The following FOXP2 variants were observed in gnomAD, a reference collection of about 807,000 sequenced individuals.
The protein encoded by FOXP2 is forkhead box P2, also known as forkhead box protein P2.
Under a neutral mutation model 115.8 loss-of-function variants are expected in FOXP2, and 12 were observed. The ratio of observed to expected loss-of-function variants is 0.10; its 90% CI spans 0.07 to 0.17. The LOEUF (loss-of-function observed/expected upper bound fraction) is 0.17. Ranked by LOEUF, FOXP2 falls within the 10% of genes least tolerant of loss-of-function variation. The pLI is 1.00. For missense variants in FOXP2, 629 were observed against 843.5 expected, an observed-to-expected ratio of 0.75 and a Z score of 3.15; for synonymous variants, 328 against 297.7, an observed-to-expected ratio of 1.10 and a Z score of -1.05.
upstream of FOXP2, among the ~76,000 whole-genome samples, chr7:114,413,923 T>C (rs146685162): frequency 3.6e-3 from 555 of 152,216 alleles, 5 homozygotes; most frequent in African/African-American, 0.013. Flanking sequence ...TGTTAAAGCT[T>C]GTCCACTCAC....
intron 2 of FOXP2, among the ~76,000 whole-genome samples, chr7:114,379,200 C>T (rs891358160): frequency 2.0e-5 from 3 of 152,154 alleles, no homozygotes; most frequent in Non-Finnish European, 2.9e-5. Context: ...GTTTATGTCC[C>T]GATCCTTGTC....
intron 2 of FOXP2, among the ~76,000 whole-genome samples, chr7:114,482,889 G>T (rs1423882156): frequency 2.0e-5 from 3 of 151,570 alleles, no homozygotes; most frequent in African/African-American, 7.3e-5. Context: ...TGATAGAAGA[G>T]AATCCTAAAA....
chr7:114,238,751 G>A (rs925851276), intron 1 of FOXP2, among the ~76,000 whole-genome samples: 4 of 149,432 alleles, frequency 2.7e-5, no homozygotes, highest in Non-Finnish European at 5.9e-5. Context: ...CAGCCTGGGC[G>A]ACAGAGCTAG....
chr7:114,219,680 T>A (rs1584554238), intron 1 of FOXP2, among the ~76,000 whole-genome samples: 1 of 152,208 alleles, frequency 6.6e-6, no homozygotes, highest in Non-Finnish European at 1.5e-5. Flanking sequence ...GTGAATATGA[T>A]CCCTTTTTTA....
At chr7:114,499,190 T>A in intron 2 of FOXP2, 1 of 410,874 alleles carries the variant, frequency 2.4e-6, no homozygotes, top group African/African-American at 2.0e-5. Context: ...TCACTTTTGC[T>A]CAATACCTAT....
At chr7:114,613,214 G>T (rs1048478908) in intron 3 of FOXP2, among the ~76,000 whole-genome samples, 5 of 151,844 alleles carry the variant, frequency 3.3e-5, no homozygotes, top group Non-Finnish European at 7.4e-5. Context: ...AATTCAAAAG[G>T]TACAAAAAAG....
At chr7:114,152,216 G>T (rs1792546023) in intron 1 of FOXP2, among the ~76,000 whole-genome samples, 1 of 152,046 alleles carries the variant, frequency 6.6e-6, no homozygotes, top group Admixed American at 6.6e-5. Context: ...GAAACAAATT[G>T]TTCCGACATT....
chr7:114,382,179 A>G (rs1298726121), intron 2 of FOXP2, among the ~76,000 whole-genome samples: 3 of 152,210 alleles, frequency 2.0e-5, no homozygotes, highest in Non-Finnish European at 4.4e-5. Flanking sequence ...GGACAGTGAC[A>G]GATCTGGAGG....
chr7:114,621,340 G>A (rs897138366), intron 3 of FOXP2, among the ~76,000 whole-genome samples: 4 of 151,890 alleles, frequency 2.6e-5, no homozygotes, highest in African/African-American at 9.7e-5. Context: ...ACAATATAAG[G>A]CAAAAGGTAT....
chr7:114,112,961 A>G (rs957127037), intron 1 of FOXP2, among the ~76,000 whole-genome samples: 4 of 152,174 alleles, frequency 2.6e-5, no homozygotes, highest in Non-Finnish European at 5.9e-5. Flanking sequence ...GAAACAGTAC[A>G]AAAAATTCAG....
intron 2 of FOXP2, among the ~76,000 whole-genome samples, chr7:114,372,017 A>G (rs1179878355): frequency 6.6e-6 from 1 of 152,226 alleles, no homozygotes; most frequent in African/African-American, 2.4e-5. Context: ...AGTATTTACT[A>G]TGTATCATAT....
intron 1 of FOXP2, among the ~76,000 whole-genome samples, chr7:114,104,367 A>G (rs547684567): frequency 4.6e-5 from 7 of 152,060 alleles, no homozygotes; most frequent in African/African-American, 1.7e-4. Context: ...GCAGTCAGGT[A>G]TGGGGGCTGT....
intron 1 of FOXP2, among the ~76,000 whole-genome samples, chr7:114,238,291 T>A (rs547031017): frequency 6.6e-6 from 1 of 152,150 alleles, no homozygotes; most frequent in East Asian, 1.9e-4. Flanking sequence ...CTTCCTAATC[T>A]GAAATATTTT....
At chr7:114,441,367 C>T (rs1050381030) in intron 2 of FOXP2, among the ~76,000 whole-genome samples, 6 of 151,968 alleles carry the variant, frequency 3.9e-5, no homozygotes, top group Non-Finnish European at 7.4e-5. Flanking sequence ...GCAGCAGAAT[C>T]GCTTGAACAC....
Position 114,304,270 on chromosome 7 carries a change from T to C in FOXP2, c.-11+16161T>C, listed in dbSNP as rs577087241. 1.5e-3 allele frequency among the ~76,000 whole-genome samples: 235 copies of C among 152,068 alleles called. 1 individual carries two copies. Among genetic ancestry groups the C allele is most frequent in the African/African-American group, 5.4e-3 (224 of 41,482 alleles). ...GGCTAATCACATGAAGAATGGTAAATAAGTGTGAGGAGGCTCAATGCTAGA... is the reference window on the plus strand; with the variant it reads ...GGCTAATCACATGAAGAATGGTAAACAAGTGTGAGGAGGCTCAATGCTAGA... On this transcript the variant is annotated intron_variant, in intron 2 of 17. Transcript: ENST00000634411.
upstream of FOXP2, among the ~76,000 whole-genome samples, chr7:114,158,575 C>G (rs1792734334): frequency 6.6e-6 from 1 of 152,086 alleles, no homozygotes; most frequent in Admixed American, 6.6e-5. Context: ...TACCATGAAA[C>G]TTTCCTTTGT....
chr7:114,634,601 C>T (rs1805111536), intron 6 of FOXP2, among the ~76,000 whole-genome samples: 1 of 151,702 alleles, frequency 6.6e-6, no homozygotes, highest in Non-Finnish European at 1.5e-5. Flanking sequence ...GGTTTGTATA[C>T]AGACAGATGA....
intron 3 of FOXP2, among the ~76,000 whole-genome samples, chr7:114,581,473 T>C (rs1317919906): frequency 1.3e-5 from 2 of 152,090 alleles, no homozygotes; most frequent in Admixed American, 1.3e-4. Flanking sequence ...TTTTTGTGTG[T>C]CAGATTAGTT....
At chr7:114,193,361 T>G (rs1317493152) in intron 1 of FOXP2, among the ~76,000 whole-genome samples, 1 of 151,978 alleles carries the variant, frequency 6.6e-6, no homozygotes, top group Non-Finnish European at 1.5e-5. Context: ...TGAACAACTC[T>G]TGGTTTAGTT....
Sources: allele counts gnomAD v4.1 joint callset (sites outside exome capture counted in the v4.1 genomes callset), GRCh38; gene constraint gnomAD v4.1.1; transcripts MANE v1.5; gene names NCBI Gene and HGNC (gene_info 2026-07-23, HGNC 2026-07-21).